GTPBP1: variants seen among roughly 807,000 people sequenced by gnomAD.
GTPBP1 encodes GTP binding protein 1, also known as GTP-binding protein 1.
Under a neutral mutation model 62.0 loss-of-function variants are expected in GTPBP1, and 23 were observed. That is an observed-to-expected ratio of 0.37 (90% CI 0.27 to 0.53). The LOEUF is 0.53. Ranked by LOEUF, GTPBP1 falls within the 20% of genes least tolerant of loss-of-function variation. The pLI, the probability that GTPBP1 is intolerant of heterozygous loss-of-function variation, is 0.89. For synonymous variants in GTPBP1, 344 were observed against 364.4 expected (o/e 0.94, Z 0.64); for missense variants, 640 against 917.3 (o/e 0.70, Z 3.90).
At chr22:38,717,393 G>A (rs2092676672) in intron 4 of GTPBP1, among the ~76,000 whole-genome samples, 2 of 152,162 alleles carry the variant, frequency 1.3e-5, no homozygotes, top group African/African-American at 4.8e-5. Flanking sequence ...CAGGCCTGGG[G>A]AAGAAACGGA....
intron 1 of GTPBP1, among the ~76,000 whole-genome samples, chr22:38,707,853 G>A (rs944871503): frequency 3.9e-5 from 6 of 152,160 alleles, no homozygotes; most frequent in Non-Finnish European, 8.8e-5. Context: ...GAAGGGTTGG[G>A]TTGAATAGAT....
intron 4 of GTPBP1, 57 bp from the exon 5 acceptor site, chr22:38,721,685 A>G (rs2092701584): frequency 4.5e-6 from 7 of 1,552,842 alleles, no homozygotes; most frequent in Non-Finnish European, 6.2e-6. Flanking sequence ...CCCTGTGTCC[A>G]CCCAGCAGCA....
Position 38,726,440 on chromosome 22 carries a change from G to A in GTPBP1, c.1401G>A (p.Lys467=), listed in dbSNP as rs145677596. 17 of 1,612,140 alleles carry A rather than the reference G, an allele frequency of 1.1e-5. No homozygotes were observed. The highest frequency in any genetic ancestry group is 6.7e-5 in the Admixed American group (4 of 59,984). The change falls in exon 8 of 12, where the codon AAG becomes AAA. Residue 467 remains lysine (K), a splice_region_variant and synonymous_variant. Transcript: ENST00000216044. The surrounding 1 kb of genome is among the most constrained non-coding windows in gnomAD (Gnocchi z 4.1). ...GGQTASFALK[K]IKRSSIRKGM... ...AGACAGCATCCTTTGCGCTGAAGAA[G>A]GTGAGTAGCGATGATACTGAACGCT...
intron 1 of GTPBP1, among the ~76,000 whole-genome samples, chr22:38,708,289 T>C (rs2092617964): frequency 6.6e-6 from 1 of 152,232 alleles, no homozygotes; most frequent in South Asian, 2.1e-4. Context: ...GTGCTAATAC[T>C]CCTCGTAGTG....
downstream of GTPBP1, chr22:38,739,557 G>T (rs2092836551): frequency 3.8e-6 from 5 of 1,300,766 alleles, no homozygotes; most frequent in Non-Finnish European, 5.4e-6. The surrounding 1 kb of genome is among the most constrained non-coding windows in gnomAD (Gnocchi z 6.7). Flanking sequence ...CCAGGCAGAT[G>T]TGGGCACACT....
In GTPBP1 at chr22:38,725,998, C is replaced by T. The variant is rs1438459510; in HGVS notation, c.1074-8C>T. On this transcript the variant is annotated splice_region_variant and splice_polypyrimidine_tract_variant and intron_variant, in intron 6 of 11. Coordinates refer to ENST00000216044, the MANE Select transcript of GTPBP1 (RefSeq NM_004286.5). ...TCCTTTTTTCCTTCCTCTTCTCCCT[C>T]TGCTTAGGATGTGCCCGATATTCCA... is the stretch of plus-strand genomic sequence containing the variant. 6.2e-7 allele frequency: 1 copy of T among 1,613,400 alleles called. No individual in the cohort carries two copies. The highest frequency in any genetic ancestry group is 2.2e-5 in the East Asian group (1 of 44,864).
In GTPBP1 at chr22:38,730,636, C is replaced by T. The variant is rs1419980436; in HGVS notation, c.1942C>T (p.Arg648Ter). 11 of 1,605,592 alleles carry T rather than the reference C, an allele frequency of 6.9e-6. No individual in the cohort carries two copies. Among genetic ancestry groups the T allele is most frequent in the Admixed American group, 1.7e-5 (1 of 59,990 alleles). Residue 648 changes from arginine (R) to a stop codon, truncating the protein, a stop_gained, in exon 12 of 12, where the codon CGA becomes TGA. Coordinates refer to ENST00000216044, the MANE Select transcript of GTPBP1 (RefSeq NM_004286.5). LOFTEE classifies it high-confidence loss of function. The surrounding 1 kb of genome is among the most constrained non-coding windows in gnomAD (Gnocchi z 5.6). ...GCCTAAGCCCAGCAGTGGAGGCCGG[C>T]GACGAGGGGGCCAGCGCCACAAGGT... ...PQPKPSSGGRRRGGQRHKVKS... is the reference protein window; with the variant it reads ...PQPKPSSGGR
chr22:38,724,308 C>A lies in GTPBP1; in HGVS notation c.970C>A (p.Leu324Met). The A allele has an allele frequency of 6.2e-7, 1 of 1,607,458 alleles. No homozygotes were observed. The highest frequency in any genetic ancestry group is 8.5e-7 in the Non-Finnish European group (1 of 1,173,950). ...PANILQETLK[L>M]LQRLLKSPGC... ...TTGCACCCTTTAAGAAACCCTGAAG[C>A]TGTTACAGCGCCTGCTGAAGTCACC... The change falls in exon 6 of 12, where the codon CTG becomes ATG. Residue 324 changes from leucine (L) to methionine (M), a missense_variant. Coordinates refer to ENST00000216044, the MANE Select transcript of GTPBP1 (RefSeq NM_004286.5).
At chr22:38,735,084 C>T (rs947488041), downstream of GTPBP1, 1 of 332,402 alleles carries the variant, frequency 3.0e-6, no homozygotes, top group Admixed American at 4.2e-5. Context: ...CTTAGCTTTT[C>T]AGTTAGAAAA....
At position 38,709,102 on chromosome 22, in the gene GTPBP1, G is replaced by C. The variant is rs915390779; in HGVS notation, c.304+146G>C. 11 of 535,440 alleles carry C rather than the reference G, an allele frequency of 2.1e-5. No homozygotes were observed. The East Asian group carries it at 3.6e-4, about 17-fold the overall frequency. 33.2% of individuals were successfully genotyped at this position (535,440 alleles called of 1,614,324 possible). Reference sequence around the variant, plus strand: ...GTTCGAGACCAGCCTGGCCAACATGGTGAAACCCCATCTCTACTAAAAATA... The same window carrying C: ...GTTCGAGACCAGCCTGGCCAACATGCTGAAACCCCATCTCTACTAAAAATA... On this transcript the variant is annotated intron_variant, in intron 2 of 11. Coordinates refer to ENST00000216044, the MANE Select transcript of GTPBP1 (RefSeq NM_004286.5).
chr22:38,710,956 C>T (rs1430538600), intron 2 of GTPBP1, among the ~76,000 whole-genome samples: 1 of 152,164 alleles, frequency 6.6e-6, no homozygotes, highest in Non-Finnish European at 1.5e-5. Flanking sequence ...TTTATTAACA[C>T]ATCTGTACAC....
chr22:38,736,231 TCCCAGATGGCTGGCAGCAG>T, downstream of GTPBP1: 1 of 1,593,030 alleles, frequency 6.3e-7, no homozygotes, highest in Non-Finnish European at 8.6e-7. Flanking sequence ...GTTCACCCAC[TCCCAGATGGCTGGCAGCAG>T]GCACCAGTAA....
At chr22:38,708,566 C>G (rs2092619857) in intron 1 of GTPBP1, among the ~76,000 whole-genome samples, 1 of 152,150 alleles carries the variant, frequency 6.6e-6, no homozygotes, top group Admixed American at 6.6e-5. Flanking sequence ...TGGGTCCTGC[C>G]CTTCCTGTTA....
chr22:38,738,147 TCTG>T (rs777972639), downstream of GTPBP1: 36 of 1,609,504 alleles, frequency 2.2e-5, no homozygotes, highest in African/African-American at 4.0e-4. The surrounding 1 kb of genome is among the most constrained non-coding windows in gnomAD (Gnocchi z 6.6). Context: ...CTGCGCCACT[TCTG>T]CTAGCACAGC....
rs868425306 is a variant in GTPBP1 at position 38,728,042 on chromosome 22, C to T, written c.1597C>T (p.Arg533Cys). The change falls in exon 10 of 12, where the codon CGC becomes TGC. Residue 533 changes from arginine to cysteine, a missense_variant. Arg to Cys is a radical substitution (Grantham distance 180). Coordinates refer to ENST00000216044, the MANE Select transcript of GTPBP1 (RefSeq NM_004286.5). ...TILSMDKDCL[R>C]TGDKATVHFR... ...TCTGAGCATGGACAAGGACTGTCTG[C>T]GCACTGGGGACAAGGCCACTGTACA... The T allele has an allele frequency of 1.2e-6, 2 of 1,612,608 alleles. No homozygotes were observed. Among genetic ancestry groups the T allele is most frequent in the African/African-American group, 1.3e-5 (1 of 74,868 alleles).
At chr22:38,728,487 A>G (rs2092738638) in intron 10 of GTPBP1, 3 of 339,506 alleles carry the variant, frequency 8.8e-6, no homozygotes, top group Non-Finnish European at 1.1e-5. Flanking sequence ...GACCATGTCT[A>G]AGGTCTCCTC....
downstream of GTPBP1, chr22:38,736,595 C>T: frequency 2.4e-6 from 1 of 419,830 alleles, no homozygotes; most frequent in South Asian, 5.5e-5. Context: ...TAGCACACTT[C>T]ATCTGAAACC....
downstream of GTPBP1, chr22:38,742,648 G>A (rs956626963): frequency 4.1e-6 from 6 of 1,467,604 alleles, no homozygotes; most frequent in African/African-American, 5.6e-5. Flanking sequence ...CAGAAAGAAA[G>A]GGAAAAGATT....
chr22:38,726,708 G>T lies in GTPBP1; in HGVS notation c.1401+268G>T, dbSNP rs1223967038. On this transcript the variant is annotated intron_variant, in intron 8 of 11. Transcript: ENST00000216044. The surrounding 1 kb of genome is among the most constrained non-coding windows in gnomAD (Gnocchi z 4.1). The stretch of plus-strand genomic sequence containing the variant: ...CAGGGTGGCCTGAGCTCAGTGGTGA[G>T]GTCAAATAGGAGTATCCCTGCTGTG... 6.6e-6 allele frequency among the ~76,000 whole-genome samples: 1 copy of T among 152,166 alleles called. No individual in the cohort carries two copies. Among genetic ancestry groups the T allele is most frequent in the Non-Finnish European group, 1.5e-5 (1 of 68,020 alleles).
Sources: allele counts gnomAD v4.1 joint callset (sites outside exome capture counted in the v4.1 genomes callset), GRCh38; gene constraint gnomAD v4.1.1; non-coding constraint Gnocchi (gnomAD v3.1); transcripts MANE v1.5; gene names NCBI Gene and HGNC (gene_info 2026-07-23, HGNC 2026-07-21).